The following SPOCK3 variants were observed in gnomAD, a reference collection of about 807,000 sequenced individuals.
SPOCK3 encodes the protein SPARC (osteonectin), cwcv and kazal like domains proteoglycan 3.
A neutral mutation model predicts 56.6 loss-of-function variants in SPOCK3; 30 were observed. That is an observed-to-expected ratio of 0.53 (90% confidence interval 0.40 to 0.72). The LOEUF is 0.72. Among genes scored for constraint, SPOCK3 ranks in the 30% least tolerant of loss-of-function variants. The probability of loss-of-function intolerance (pLI) is 0.00; values close to 1 mark genes in which losing one functional copy is unlikely to be tolerated. For synonymous variants in SPOCK3, 196 were observed against 183.3 expected, an observed-to-expected ratio of 1.07 and a Z score of -0.56; for missense variants, 527 against 530.0, an observed-to-expected ratio of 0.99 and a Z score of 0.06.
chr4:167,197,763 A>T (rs1331881685), intron 2 of SPOCK3, among the ~76,000 whole-genome samples: 1 of 152,192 alleles, frequency 6.6e-6, no homozygotes, highest in African/African-American at 2.4e-5. Flanking sequence ...TTCAAAAAAT[A>T]AGCATGAAAA....
At chr4:166,896,966 AG>A (rs889588791) in intron 5 of SPOCK3, among the ~76,000 whole-genome samples, 1 of 152,024 alleles carries the variant, frequency 6.6e-6, no homozygotes, top group African/African-American at 2.4e-5. Flanking sequence ...CAGGGAGGGC[AG>A]GGGAAAAGAT....
At chr4:167,205,299 AAT>A (rs1733996972) in intron 2 of SPOCK3, among the ~76,000 whole-genome samples, 1 of 42,476 alleles carries the variant, frequency 2.4e-5, no homozygotes, top group Non-Finnish European at 4.3e-5. Flanking sequence ...TTATATCTAT[AAT>A]ATATATTATA....
rs147971290 is a variant in SPOCK3, at chr4:166,862,591, A to G, written c.589+26539T>C. 3.2e-3 allele frequency among the ~76,000 whole-genome samples: 487 copies of G among 152,198 alleles called. 2 individuals are homozygous for G. Among genetic ancestry groups the G allele is most frequent in the African/African-American group, 0.011 (459 of 41,556 alleles). On this transcript the variant is annotated intron_variant, in intron 6 of 10. Transcript: ENST00000357545. ...TGTCATGTTTGTTAAATACATAAAT[A>G]TTGGGAAAATGACTTAATCTTCCTG...
intron 2 of SPOCK3, among the ~76,000 whole-genome samples, chr4:167,097,766 T>G (rs966141317): frequency 2.6e-5 from 4 of 151,886 alleles, no homozygotes; most frequent in African/African-American, 9.7e-5. Context: ...ACAACACTAT[T>G]CACAATAGTA....
intron 2 of SPOCK3, among the ~76,000 whole-genome samples, chr4:167,230,025 G>A (rs1159710233): frequency 6.6e-6 from 1 of 151,876 alleles, no homozygotes; most frequent in Non-Finnish European, 1.5e-5. Context: ...TTTATTATAT[G>A]AGTTACTTAA....
intron 2 of SPOCK3, among the ~76,000 whole-genome samples, chr4:167,172,365 C>T (rs146672267): frequency 2.6e-5 from 4 of 152,110 alleles, no homozygotes; most frequent in Admixed American, 6.6e-5. Flanking sequence ...TAATCAAATA[C>T]CATTTTTCAT....
At chr4:166,954,619 T>C (rs1006496035) in intron 4 of SPOCK3, among the ~76,000 whole-genome samples, 1 of 152,208 alleles carries the variant, frequency 6.6e-6, no homozygotes, top group African/African-American at 2.4e-5. Context: ...GCTGTATATG[T>C]GTGAATTTAT....
intron 6 of SPOCK3, among the ~76,000 whole-genome samples, chr4:166,802,394 G>A (rs1471305208): frequency 1.3e-5 from 2 of 152,142 alleles, no homozygotes; most frequent in Non-Finnish European, 2.9e-5. Flanking sequence ...CGTTTTGGCT[G>A]AGTGGCTTAT....
At chr4:166,943,671 T>C (rs538875873) in intron 4 of SPOCK3, among the ~76,000 whole-genome samples, 1 of 152,270 alleles carries the variant, frequency 6.6e-6, no homozygotes, top group African/African-American at 2.4e-5. Context: ...CATTTTGAAA[T>C]GTTTCAGGGT....
At chr4:167,199,225 TTGTGTGTGTGTGTGTG>T (rs58765976) in intron 2 of SPOCK3, among the ~76,000 whole-genome samples, 1 of 141,974 alleles carries the variant, frequency 7.0e-6, no homozygotes, top group African/African-American at 2.6e-5. Flanking sequence ...AAATATTTGT[TTGTGTGTGTGTGTGTG>T]TGTGTGTGTG....
chr4:167,106,014 C>A (rs1760109887), intron 2 of SPOCK3, among the ~76,000 whole-genome samples: 1 of 151,714 alleles, frequency 6.6e-6, no homozygotes, highest in South Asian at 2.1e-4. Context: ...AAGAGAGAGG[C>A]CAATACAATA....
chr4:166,771,699 G>T (rs1738949985), intron 7 of SPOCK3, among the ~76,000 whole-genome samples: 1 of 151,912 alleles, frequency 6.6e-6, no homozygotes, highest in Admixed American at 6.6e-5. Flanking sequence ...CTTTTATATT[G>T]ATATATGAAT....
intron 4 of SPOCK3, among the ~76,000 whole-genome samples, chr4:166,961,261 A>AAC (rs1554010245): frequency 0.051 from 7,669 of 151,570 alleles, 637 homozygotes; most frequent in African/African-American, 0.18. Flanking sequence ...AAAAAAAAAA[A>AAC]CTGCAAAATT....
chr4:166,848,867 T>C (rs1277174084), intron 6 of SPOCK3, among the ~76,000 whole-genome samples: 5 of 152,236 alleles, frequency 3.3e-5, no homozygotes, highest in African/African-American at 1.2e-4. Context: ...CTTTCTGTAC[T>C]ATCACATGGA....
rs893904561 is a variant in SPOCK3 at position 166,973,688 on chromosome 4, C to T, written c.350+26661G>A. 2.6e-5 allele frequency among the ~76,000 whole-genome samples: 4 copies of T among 151,980 alleles called. No homozygotes were observed. In the East Asian group the frequency reaches 7.7e-4, roughly 29 times the overall value. ...TGCTATGCCTGGATTAAATTTCATG[C>T]AAAATAAATTTGCCTTAAATACACT... On this transcript the variant is annotated intron_variant, in intron 4 of 10. Coordinates refer to ENST00000357545, the MANE Select transcript of SPOCK3 (RefSeq NM_001040159.2).
At chr4:167,173,780 G>A (rs970618752) in intron 2 of SPOCK3, among the ~76,000 whole-genome samples, 3 of 152,082 alleles carry the variant, frequency 2.0e-5, no homozygotes, top group Admixed American at 2.0e-4. Flanking sequence ...AGAAGGAGGA[G>A]GATGACTAGC....
At chr4:166,902,621 AC>A (rs1311024239) in intron 5 of SPOCK3, among the ~76,000 whole-genome samples, 2 of 150,914 alleles carry the variant, frequency 1.3e-5, no homozygotes, top group African/African-American at 4.9e-5. Context: ...TATATTTCAC[AC>A]ATATGTAACA....
At chr4:166,996,291 T>G (rs1345025936) in intron 4 of SPOCK3, among the ~76,000 whole-genome samples, 1 of 152,284 alleles carries the variant, frequency 6.6e-6, no homozygotes, top group Non-Finnish European at 1.5e-5. Flanking sequence ...ATGCCAAACC[T>G]TTTCCTTTTA....
chr4:167,025,221 C>CT (rs958376875), intron 3 of SPOCK3, among the ~76,000 whole-genome samples: 2,176 of 142,000 alleles, frequency 0.015, 114 homozygotes, highest in Admixed American at 0.11. Flanking sequence ...CCACTGAATG[C>CT]TTTTTTTTTT....
Sources: gnomAD v4.1 joint callset for allele counts (sites outside exome capture counted in the v4.1 genomes callset) on GRCh38, gnomAD v4.1.1 for gene constraint, MANE v1.5 for transcripts, NCBI Gene and HGNC (gene_info 2026-07-23, HGNC 2026-07-21) for gene names.